ADAMTS2: variants seen among roughly 807,000 people sequenced by gnomAD.
ADAMTS2 encodes A disintegrin and metalloproteinase with thrombospondin motifs 2.
ADAMTS2 carries 50 observed loss-of-function variants against 123.0 expected under a neutral mutation model. The observed-to-expected ratio is 0.41, with a 90% CI of 0.32 to 0.51. The LOEUF is 0.51. Ranked by LOEUF, ADAMTS2 falls within the 20% of genes least tolerant of loss-of-function variation. The pLI is 0.35. For synonymous variants in ADAMTS2, 678 were observed against 695.4 expected (o/e 0.98, Z 0.39); for missense variants, 1,494 against 1,705.2 (o/e 0.88, Z 2.18).
intron 3 of ADAMTS2, among the ~76,000 whole-genome samples, chr5:179,216,929 C>T (rs755507931): frequency 5.9e-5 from 9 of 152,206 alleles, no homozygotes; most frequent in South Asian, 4.1e-4. Flanking sequence ...GAGCACCATG[C>T]GGCTCATATC....
chr5:179,275,244 C>A (rs1766663317), intron 2 of ADAMTS2, among the ~76,000 whole-genome samples: 1 of 151,956 alleles, frequency 6.6e-6, no homozygotes. Flanking sequence ...GTTACAGGCA[C>A]CTGGGAGAGG....
intron 2 of ADAMTS2, among the ~76,000 whole-genome samples, chr5:179,330,519 GCTCTGCAAAGAGAAGAACGCAGCAA>G (rs1372849997): frequency 6.6e-5 from 10 of 152,252 alleles, no homozygotes; most frequent in Non-Finnish European, 1.3e-4. Flanking sequence ...GAATGCAGAA[GCTCTGCAAAGAGAAGAACGCAGCAA>G]CTCTGGCAAC....
At chr5:179,288,526 G>A (rs1348486360) in intron 2 of ADAMTS2, among the ~76,000 whole-genome samples, 1 of 152,232 alleles carries the variant, frequency 6.6e-6, no homozygotes, top group Non-Finnish European at 1.5e-5. Context: ...CACCCACCCA[G>A]GGTGGCTCCG....
At chr5:179,259,815 T>A (rs1766168270) in intron 3 of ADAMTS2, among the ~76,000 whole-genome samples, 1 of 152,164 alleles carries the variant, frequency 6.6e-6, no homozygotes, top group Non-Finnish European at 1.5e-5. Context: ...CACCCCCAAT[T>A]TTGGCCACTG....
chr5:179,319,168 G>A (rs1316428569), intron 2 of ADAMTS2, among the ~76,000 whole-genome samples: 1 of 151,976 alleles, frequency 6.6e-6, no homozygotes, highest in Non-Finnish European at 1.5e-5. Context: ...CTCACACGCA[G>A]GCGTCACACA....
At chr5:179,241,990 G>C (rs772247467) in intron 3 of ADAMTS2, among the ~76,000 whole-genome samples, 4 of 152,152 alleles carry the variant, frequency 2.6e-5, no homozygotes, top group African/African-American at 7.2e-5. Flanking sequence ...GTGGTGGGGG[G>C]GCACATAGCC....
In ADAMTS2 at chr5:179,319,210, ACT is replaced by A. The variant is rs1011990195; in HGVS notation, c.534+24555_534+24556del. Among the ~76,000 whole-genome samples, 60 of 151,924 alleles carry A rather than the reference ACT, an allele frequency of 3.9e-4. 3 individuals are homozygous for A. On this transcript the variant is annotated intron_variant, in intron 2 of 21. Transcript: ENST00000251582. ...ATGCAGACGCATGCACACACACATC[ACT>A]CATATGTGCATCTCCTGTGACACAT... is the stretch of plus-strand genomic sequence containing the variant.
intron 10 of ADAMTS2, among the ~76,000 whole-genome samples, chr5:179,140,799 C>CTTTTTTCTTTTTT (rs1763150232): frequency 1.1e-5 from 1 of 90,464 alleles, no homozygotes; most frequent in Non-Finnish European, 2.1e-5. Flanking sequence ...ACTGCATGCT[C>CTTTTTTCTTTTTT]TTTTTTTTTT....
At chr5:179,315,122 TTC>T (rs1756952055) in intron 2 of ADAMTS2, among the ~76,000 whole-genome samples, 1 of 146,240 alleles carries the variant, frequency 6.8e-6, no homozygotes. Context: ...ACTCTCTCTC[TTC>T]TGTTCCTCCT....
intron 3 of ADAMTS2, among the ~76,000 whole-genome samples, chr5:179,271,145 G>C (rs1766520014): frequency 6.6e-6 from 1 of 152,182 alleles, no homozygotes; most frequent in South Asian, 2.1e-4. Context: ...AAGATATGTG[G>C]ATTGGGGGTG....
chr5:179,222,132 G>C (rs1765141044), intron 3 of ADAMTS2, among the ~76,000 whole-genome samples: 1 of 152,122 alleles, frequency 6.6e-6, no homozygotes, highest in South Asian at 2.1e-4. Context: ...GGGTCCAGAA[G>C]CCTGAGTTTG....
intron 3 of ADAMTS2, among the ~76,000 whole-genome samples, chr5:179,218,636 C>T (rs561250046): frequency 5.9e-5 from 9 of 152,284 alleles, no homozygotes; most frequent in African/African-American, 9.6e-5. Flanking sequence ...TGAGGTGGAT[C>T]GGAGGGTGGG....
At chr5:179,138,052 G>C (rs544393014) in intron 11 of ADAMTS2, 108 bp from the exon 12 acceptor site, 5 of 1,264,156 alleles carry the variant, frequency 4.0e-6, no homozygotes, top group African/African-American at 3.0e-5. Flanking sequence ...TCAGGTGTCC[G>C]GGGGGCAGCT....
intron 2 of ADAMTS2, among the ~76,000 whole-genome samples, chr5:179,282,681 T>C (rs764772079): frequency 5.9e-5 from 9 of 152,208 alleles, no homozygotes; most frequent in Non-Finnish European, 1.2e-4. Flanking sequence ...TGGGATTTGA[T>C]AGAATTAAAT....
chr5:179,189,842 A>G lies in ADAMTS2; in HGVS notation c.892-8687T>C, dbSNP rs1249692101. Among the ~76,000 whole-genome samples the G allele has an allele frequency of 2.0e-5, 3 of 148,046 alleles. No homozygotes were observed. Among genetic ancestry groups the G allele is most frequent in the East Asian group, 2.0e-4 (1 of 4,988 alleles). On this transcript the variant is annotated intron_variant, in intron 4 of 21. Coordinates refer to ENST00000251582, the MANE Select transcript of ADAMTS2 (RefSeq NM_014244.5). The surrounding 1 kb of genome is among the most constrained non-coding windows in gnomAD (Gnocchi z 4.2). ...TTGGGGGGAGAGAATATTACAAAGT[A>G]TCTTCTCAAGGGTGGGGAGGGTGTA...
intron 2 of ADAMTS2, among the ~76,000 whole-genome samples, chr5:179,339,711 G>A (rs113992956): frequency 0.016 from 2,416 of 152,222 alleles, 65 homozygotes; most frequent in African/African-American, 0.054. Flanking sequence ...CTCTCATTGC[G>A]ATCCAGGCAG....
At chr5:179,171,484 T>G (rs751726233) in intron 5 of ADAMTS2, among the ~76,000 whole-genome samples, 3 of 152,194 alleles carry the variant, frequency 2.0e-5, no homozygotes, top group African/African-American at 4.8e-5. Flanking sequence ...CAACGAGGAC[T>G]CATAGCCTCG....
rs1417856911 is a variant in ADAMTS2 at position 179,162,590 on chromosome 5, CT to C, written c.976-3712del. Among the ~76,000 whole-genome samples, 1 of 152,198 alleles carries C rather than the reference CT, an allele frequency of 6.6e-6. No individual in the cohort carries two copies. Among genetic ancestry groups the C allele is most frequent in the Non-Finnish European group, 1.5e-5 (1 of 68,042 alleles). ...CTCCTGGGGCCGTCACCCATGTCAGCTTTACCCCACACGGTCGCCCCTGCTC... is the reference window on the plus strand; with the variant it reads ...CTCCTGGGGCCGTCACCCATGTCAGCTTACCCCACACGGTCGCCCCTGCTC... On this transcript the variant is annotated intron_variant, in intron 5 of 21. Coordinates refer to ENST00000251582, the MANE Select transcript of ADAMTS2 (RefSeq NM_014244.5). The surrounding 1 kb of genome is among the most constrained non-coding windows in gnomAD (Gnocchi z 5.1).
chr5:179,280,081 A>G (rs538754886), intron 2 of ADAMTS2, among the ~76,000 whole-genome samples: 7 of 152,314 alleles, frequency 4.6e-5, no homozygotes, highest in Non-Finnish European at 8.8e-5. Flanking sequence ...CAGTGACCAC[A>G]ACAGAGTTGC....
Sources: gnomAD v4.1 joint callset for allele counts (sites outside exome capture counted in the v4.1 genomes callset) on GRCh38, gnomAD v4.1.1 for gene constraint, Gnocchi (gnomAD v3.1) non-coding constraint, MANE v1.5 for transcripts, NCBI Gene and HGNC (gene_info 2026-07-23, HGNC 2026-07-21) for gene names.